Variants in ASPRV1 observed in about 807,000 individuals in gnomAD.
ASPRV1 encodes retroviral-like aspartic protease 1.
Under a neutral mutation model 11.0 loss-of-function variants are expected in ASPRV1, and 7 were observed. The ratio of observed to expected loss-of-function variants is 0.64; its 90% confidence interval spans 0.36 to 1.20. ASPRV1 has a LOEUF of 1.20. ASPRV1 is among the 50% of genes most tolerant of loss of function. The pLI is 0.02. For synonymous variants in ASPRV1, 136 were observed against 138.4 expected, an observed-to-expected ratio of 0.98 and a Z score of 0.12; for missense variants, 299 against 320.0, an observed-to-expected ratio of 0.93 and a Z score of 0.50.
the ASPRV1 span, among the ~76,000 whole-genome samples, chr2:70,062,714 C>CTCAA: frequency 6.6e-6 from 1 of 152,158 alleles, no homozygotes; most frequent in Non-Finnish European, 1.5e-5. Flanking sequence ...GTCATTTGAG[C>CTCAA]TCAAGTTCAG....
chr2:70,040,175 T>C, the ASPRV1 span, among the ~76,000 whole-genome samples: 1 of 152,068 alleles, frequency 6.6e-6, no homozygotes, highest in East Asian at 1.9e-4. Context: ...GCTGAACCAA[T>C]AAATATAGAT....
the ASPRV1 span, among the ~76,000 whole-genome samples, chr2:70,085,283 A>C: frequency 4.9e-4 from 74 of 152,210 alleles, no homozygotes; most frequent in African/African-American, 1.7e-3. Flanking sequence ...ACCGACAGAC[A>C]CCTGAGCCTC....
At chr2:70,035,862 T>G in the ASPRV1 span, among the ~76,000 whole-genome samples, 2 of 151,462 alleles carry the variant, frequency 1.3e-5, no homozygotes, top group Non-Finnish European at 2.9e-5. Context: ...ACCTAATGAC[T>G]TCACAAAATT....
chr2:69,952,474 C>T, the ASPRV1 span, among the ~76,000 whole-genome samples: 1 of 150,002 alleles, frequency 6.7e-6, no homozygotes, highest in African/African-American at 2.5e-5. Flanking sequence ...CACTGCACTC[C>T]AGCCTGGCAC....
chr2:69,941,696 C>G, the ASPRV1 span: 1 of 152,154 alleles, frequency 6.6e-6, no homozygotes, highest in Non-Finnish European at 1.5e-5. Context: ...CGGCCAAGAG[C>G]AAATCCTGGG....
the ASPRV1 span, among the ~76,000 whole-genome samples, chr2:69,968,789 G>A: frequency 2.0e-5 from 3 of 152,282 alleles, no homozygotes; most frequent in Non-Finnish European, 4.4e-5. Context: ...ACCCCTGGTC[G>A]CTGGGGACAA....
the ASPRV1 span, among the ~76,000 whole-genome samples, chr2:69,977,496 C>T: frequency 6.6e-6 from 1 of 152,176 alleles, no homozygotes; most frequent in African/African-American, 2.4e-5. Context: ...GTTCCAAACC[C>T]AAGACTGGCC....
the ASPRV1 span, among the ~76,000 whole-genome samples, chr2:69,972,636 G>C: frequency 2.0e-5 from 3 of 152,170 alleles, no homozygotes; most frequent in Non-Finnish European, 4.4e-5. Context: ...GGGATTACAG[G>C]CGTGAGCCAT....
At chr2:70,072,604 C>T in the ASPRV1 span, among the ~76,000 whole-genome samples, 1 of 151,940 alleles carries the variant, frequency 6.6e-6, no homozygotes, top group Non-Finnish European at 1.5e-5. Context: ...TGCCTGTACT[C>T]CCAGCTACTG....
At chr2:69,965,813 G>A (rs940019673), upstream of ASPRV1, among the ~76,000 whole-genome samples, 2 of 152,150 alleles carry the variant, frequency 1.3e-5, no homozygotes, top group Admixed American at 6.5e-5. Flanking sequence ...CTTGGTCCCT[G>A]CCAAACCTCC....
downstream of ASPRV1, among the ~76,000 whole-genome samples, chr2:69,955,899 A>T (rs1361409443): frequency 2.6e-5 from 4 of 152,150 alleles, no homozygotes; most frequent in Non-Finnish European, 1.5e-5. Flanking sequence ...CTGACCACTG[A>T]GAGGTCCTAG....
chr2:70,006,275 A>G, the ASPRV1 span, among the ~76,000 whole-genome samples: 1 of 152,216 alleles, frequency 6.6e-6, no homozygotes, highest in Non-Finnish European at 1.5e-5. Context: ...AAGCCAGGAC[A>G]CACAATCTTA....
the ASPRV1 span, among the ~76,000 whole-genome samples, chr2:70,013,881 AAAACAAAC>A: frequency 1.1e-4 from 17 of 152,264 alleles, no homozygotes; most frequent in Admixed American, 5.2e-4. Flanking sequence ...ACTCCGTCTC[AAAACAAAC>A]AAACAAACAA....
the ASPRV1 span, among the ~76,000 whole-genome samples, chr2:70,022,527 A>C: frequency 2.0e-5 from 3 of 151,910 alleles, no homozygotes; most frequent in Non-Finnish European, 4.4e-5. Context: ...CTCTACAAAA[A>C]ACAAAAAAAA....
chr2:69,971,089 C>A, the ASPRV1 span: 1 of 152,064 alleles, frequency 6.6e-6, no homozygotes, highest in Non-Finnish European at 1.5e-5. Flanking sequence ...ATTGCTTGAA[C>A]CTGGGAGGTG....
At chr2:69,975,361 G>C in the ASPRV1 span, 1 of 152,750 alleles carries the variant, frequency 6.5e-6, no homozygotes, top group Non-Finnish European at 1.5e-5. Context: ...TTCCTTTCAC[G>C]TCACCTGACT....
At chr2:70,030,815 C>T in the ASPRV1 span, 8 of 152,038 alleles carry the variant, frequency 5.3e-5, no homozygotes, top group Non-Finnish European at 1.2e-4. Context: ...ATCCTAACCC[C>T]AATAATCAAG....
upstream of ASPRV1, chr2:69,964,444 G>A (rs1234765959): frequency 2.5e-6 from 1 of 407,000 alleles, no homozygotes; most frequent in Admixed American, 3.0e-5. Flanking sequence ...TCAGGAACAT[G>A]GGTAAAGGTC....
At chr2:69,937,045 C>A in the ASPRV1 span, 9 of 767,334 alleles carry the variant, frequency 1.2e-5, no homozygotes, top group Middle Eastern at 2.0e-3. Context: ...ACTGGCGATG[C>A]TGAAGAGTCA....
Sources: gnomAD v4.1 joint callset for allele counts (sites outside exome capture counted in the v4.1 genomes callset) on GRCh38, gnomAD v4.1.1 for gene constraint, MANE v1.5 for transcripts, NCBI Gene and HGNC (gene_info 2026-07-23, HGNC 2026-07-21) for gene names.